FBXO11: variants seen among roughly 807,000 people sequenced by gnomAD.
FBXO11 encodes the protein F-box only protein 11.
In FBXO11, 13 loss-of-function variants were observed where a neutral mutation model predicts 117.0. That is an observed-to-expected ratio of 0.11 (90% CI 0.07 to 0.18). FBXO11 has a LOEUF of 0.18. Among genes scored for constraint, FBXO11 ranks in the 10% least tolerant of loss-of-function variants. The pLI is 1.00. For missense variants in FBXO11, 767 were observed against 1,164.4 expected, an observed-to-expected ratio of 0.66 and a Z score of 4.97; for synonymous variants, 490 against 380.5, an observed-to-expected ratio of 1.29 and a Z score of -3.35.
At chr2:47,818,704 T>C in intron 16 of FBXO11, 75 bp downstream of exon 16, 3 of 937,430 alleles carry the variant, frequency 3.2e-6, no homozygotes, top group Non-Finnish European at 4.9e-6. Context: ...CATTAAACAA[T>C]AAGCAAATTT....
At chr2:47,905,381 C>A in intron 1 of FBXO11, 108 bp downstream of exon 1, 1 of 1,056,470 alleles carries the variant, frequency 9.5e-7, no homozygotes, top group Non-Finnish European at 1.2e-6. Flanking sequence ...GGGTCTCCCA[C>A]CCCCAGGGCG....
chr2:47,889,088 A>T (rs909247565), intron 1 of FBXO11, among the ~76,000 whole-genome samples: 5 of 152,158 alleles, frequency 3.3e-5, no homozygotes, highest in African/African-American at 1.2e-4. Flanking sequence ...ACTTTTTTTT[A>T]TAAGTTAGCA....
chr2:47,902,765 C>G (rs1225181185), intron 1 of FBXO11, among the ~76,000 whole-genome samples: 1 of 151,972 alleles, frequency 6.6e-6, no homozygotes, highest in Non-Finnish European at 1.5e-5. Context: ...TTATATAAAA[C>G]AAATGATTTT....
intron 1 of FBXO11, among the ~76,000 whole-genome samples, chr2:47,870,788 A>G (rs960997319): frequency 2.0e-5 from 3 of 152,224 alleles, no homozygotes; most frequent in Non-Finnish European, 2.9e-5. Flanking sequence ...ACTTATCTAC[A>G]TTCAGACTGA....
At chr2:47,846,637 A>G (rs547690382) in intron 1 of FBXO11, among the ~76,000 whole-genome samples, 3 of 152,328 alleles carry the variant, frequency 2.0e-5, no homozygotes, top group East Asian at 3.9e-4. Flanking sequence ...TCTAGACCAG[A>G]AATGTCCACC....
chr2:47,906,161 T>G lies in FBXO11; in HGVS notation c.-441A>C, dbSNP rs1209471999. On this transcript the variant is annotated 5_prime_UTR_variant, in exon 1 of 23. Coordinates refer to ENST00000403359, the MANE Select transcript of FBXO11 (RefSeq NM_001190274.2). ...GCAGCGGGGGGAGTGGGCGGGCGGG[T>G]GAGGAAGGGAGAAAAAGAGAGGGAG... is the stretch of plus-strand genomic sequence containing the variant. 5.1e-4 allele frequency: 76 copies of G among 147,952 alleles called. No individual in the cohort carries two copies. The highest frequency in any genetic ancestry group is 3.4e-3 in the Middle Eastern group (1 of 290). 9.2% of individuals were successfully genotyped at this position (147,952 alleles called of 1,614,324 possible).
intron 1 of FBXO11, among the ~76,000 whole-genome samples, chr2:47,891,821 T>C (rs1446207271): frequency 1.3e-5 from 2 of 152,190 alleles, no homozygotes. Context: ...CTAATAGGGA[T>C]GAAAAGATAT....
chr2:47,852,279 T>C (rs954397591), intron 1 of FBXO11, among the ~76,000 whole-genome samples: 2 of 152,060 alleles, frequency 1.3e-5, no homozygotes, highest in African/African-American at 4.8e-5. Context: ...TATGAGCCAC[T>C]GCGTCTGGCC....
At chr2:47,903,443 G>C (rs1572938875) in intron 1 of FBXO11, among the ~76,000 whole-genome samples, 3 of 152,314 alleles carry the variant, frequency 2.0e-5, no homozygotes, top group Admixed American at 6.5e-5. Flanking sequence ...AGACATCAAT[G>C]AGAAGAAAAT....
chr2:47,844,443 T>TCC (rs773034173), intron 1 of FBXO11, among the ~76,000 whole-genome samples: 1 of 152,102 alleles, frequency 6.6e-6, no homozygotes, highest in Non-Finnish European at 1.5e-5. Context: ...ATATATCCTA[T>TCC]CCCCATATGT....
Position 47,877,453 on chromosome 2 carries a change from A to G in FBXO11, c.232+28036T>C, listed in dbSNP as rs192572708. Among the ~76,000 whole-genome samples the G allele has an allele frequency of 1.1e-4, 16 of 152,292 alleles. No individual in the cohort carries two copies. The East Asian group carries it at 3.1e-3, about 29-fold the overall frequency. ...CACTAAGCAACAAAACTTAGGAGAT[A>G]TTTCTGTATCAGTACACAGAAAACA... On this transcript the variant is annotated intron_variant, in intron 1 of 22. Transcript: ENST00000403359.
intron 16 of FBXO11, among the ~76,000 whole-genome samples, chr2:47,817,742 G>A (rs1671103217): frequency 2.0e-5 from 3 of 152,234 alleles, no homozygotes; most frequent in African/African-American, 7.2e-5. Flanking sequence ...GGACAGAGAT[G>A]GGAATGGCTG....
intron 1 of FBXO11, among the ~76,000 whole-genome samples, chr2:47,904,769 G>A (rs1347563314): frequency 6.6e-6 from 1 of 152,108 alleles, no homozygotes; most frequent in Non-Finnish European, 1.5e-5. Context: ...GCACACGAGG[G>A]AGGGGGCTGG....
rs1672423701 is a variant in FBXO11, at chr2:47,834,706, A to G, written c.807T>C (p.Tyr269=). The G allele has an allele frequency of 3.7e-6, 6 of 1,608,776 alleles. No homozygotes were observed. The highest frequency in any genetic ancestry group is 1.3e-5 in the African/African-American group (1 of 74,500). The change falls in exon 7 of 23, where the codon TAT becomes TAC. Residue 269 remains tyrosine (Y), a synonymous_variant. Coordinates refer to ENST00000403359, the MANE Select transcript of FBXO11 (RefSeq NM_001190274.2). ...CACCAAGGGCATCTTCAATAGTATCATAATACTAGAAAAAAATAAATGTGT... is the reference window on the plus strand; with the variant it reads ...CACCAAGGGCATCTTCAATAGTATCGTAATACTAGAAAAAAATAAATGTGT... ...RYKGRENMLY[Y]DTIEDALGGV... is the part of the protein sequence containing the mutation.
chr2:47,903,567 T>C (rs143135968), intron 1 of FBXO11, among the ~76,000 whole-genome samples: 9 of 152,264 alleles, frequency 5.9e-5, no homozygotes, highest in African/African-American at 1.9e-4. Context: ...CAAGACAAAA[T>C]TACATCAACT....
At chr2:47,850,190 A>G (rs139509776) in intron 1 of FBXO11, among the ~76,000 whole-genome samples, 1 of 152,344 alleles carries the variant, frequency 6.6e-6, no homozygotes, top group East Asian at 1.9e-4. Flanking sequence ...GGTTGGAACC[A>G]AATTAATACT....
intron 1 of FBXO11, among the ~76,000 whole-genome samples, chr2:47,886,155 T>C (rs1676827815): frequency 6.6e-6 from 1 of 152,136 alleles, no homozygotes; most frequent in African/African-American, 2.4e-5. Context: ...ATATATTAAT[T>C]ATAATTCAAT....
intron 5 of FBXO11, 124 bp from the exon 6 acceptor site, chr2:47,834,995 A>C (rs1672440152): frequency 1.4e-6 from 1 of 711,034 alleles, no homozygotes; most frequent in African/African-American, 1.8e-5. Flanking sequence ...ATTCCAAATA[A>C]TTTTCTGTCA....
intron 1 of FBXO11, among the ~76,000 whole-genome samples, chr2:47,873,857 T>C (rs1241162015): frequency 6.6e-6 from 1 of 152,220 alleles, no homozygotes; most frequent in Admixed American, 6.5e-5. Context: ...TCCCTTTACA[T>C]TTAATCTGTG....
Sources: gnomAD v4.1 joint callset for allele counts (sites outside exome capture counted in the v4.1 genomes callset) on GRCh38, gnomAD v4.1.1 for gene constraint, MANE v1.5 for transcripts, NCBI Gene and HGNC (gene_info 2026-07-23, HGNC 2026-07-21) for gene names.